The following TUBB1 variants were observed in gnomAD, a reference collection of about 807,000 sequenced individuals.
TUBB1 encodes tubulin beta 1 class VI, also known as tubulin beta-1 chain.
Under a neutral mutation model 22.6 loss-of-function variants are expected in TUBB1, and 28 were observed. The observed-to-expected ratio is 1.24, with a 90% CI of 0.92 to 1.70. The LOEUF is 1.70. Among genes scored for constraint, TUBB1 ranks in the 40% most tolerant of loss-of-function variants. The pLI, the probability that TUBB1 is intolerant of heterozygous loss-of-function variation, is 0.00. For synonymous variants in TUBB1, 226 were observed against 238.0 expected (o/e 0.95, Z 0.46); for missense variants, 577 against 605.5 (o/e 0.95, Z 0.49).
In TUBB1 at chr20:59,024,148, C is replaced by G; in HGVS notation, c.721C>G (p.Arg241Gly). 1.2e-6 allele frequency: 2 copies of G among 1,614,236 alleles called. No individual in the cohort carries two copies. The highest frequency in any genetic ancestry group is 1.7e-6 in the Non-Finnish European group (2 of 1,180,042). The part of the protein sequence containing the change: ...LTMSGITTSL[R>G]FPGQLNADLR... ...CATGAGCGGCATAACCACCTCCCTCCGGTTCCCGGGTCAGCTCAACGCAGA... is the reference window on the plus strand; with the variant it reads ...CATGAGCGGCATAACCACCTCCCTCGGGTTCCCGGGTCAGCTCAACGCAGA... Residue 241 changes from arginine to glycine, a missense_variant, in exon 4 of 4, where the codon CGG (arginine) becomes GGG (glycine). Physicochemically the swap from Arg to Gly is moderately radical, Grantham distance 125. Transcript: ENST00000217133. The surrounding 1 kb of genome is among the most constrained non-coding windows in gnomAD (Gnocchi z 4.9).
chr20:59,017,998 A>G (rs1182276042), upstream of TUBB1, among the ~76,000 whole-genome samples: 2 of 152,238 alleles, frequency 1.3e-5, no homozygotes, highest in Non-Finnish European at 2.9e-5. Flanking sequence ...GTGGTTGCTC[A>G]CCGGATGGTG....
At chr20:59,017,515 C>G (rs1383090816), upstream of TUBB1, among the ~76,000 whole-genome samples, 1 of 152,236 alleles carries the variant, frequency 6.6e-6, no homozygotes, top group Non-Finnish European at 1.5e-5. Context: ...CCCCCAGACA[C>G]TCCATCGTTA....
intron 1 of TUBB1, among the ~76,000 whole-genome samples, chr20:59,021,079 A>G (rs542281357): frequency 6.6e-6 from 1 of 152,354 alleles, no homozygotes; most frequent in Admixed American, 6.5e-5. Flanking sequence ...GGGGGCAAGG[A>G]ACATTACTGC....
intron 2 of TUBB1, 59 bp downstream of exon 2, chr20:59,023,012 A>G: frequency 7.0e-7 from 1 of 1,433,546 alleles, no homozygotes; most frequent in Non-Finnish European, 9.8e-7. Flanking sequence ...AAGCAGAGGA[A>G]GGGCAGAGGC....
Position 59,023,474 on chromosome 20 carries a change from C to T in TUBB1, c.167-16C>T. On this transcript the variant is annotated splice_polypyrimidine_tract_variant and intron_variant, in intron 2 of 3. Transcript: ENST00000217133. ...GAAAAACAAGTAGGCTGACTTTTTC[C>T]TATTTTTCTACACAGGTAGGAAATA... The T allele has an allele frequency of 6.2e-7, 1 of 1,610,522 alleles. No homozygotes were observed. Among genetic ancestry groups the T allele is most frequent in the Non-Finnish European group, 8.5e-7 (1 of 1,176,804 alleles).
At chr20:59,016,684 G>A (rs2091946998), upstream of TUBB1, among the ~76,000 whole-genome samples, 1 of 152,116 alleles carries the variant, frequency 6.6e-6, no homozygotes, top group Non-Finnish European at 1.5e-5. Context: ...AAACAGAATG[G>A]TCTATTCTTA....
chr20:59,023,999 A>G lies in TUBB1; in HGVS notation c.572A>G (p.Gln191Arg). 6.2e-7 allele frequency: 1 copy of G among 1,614,220 alleles called. No individual in the cohort carries two copies. Among genetic ancestry groups the G allele is most frequent in the Non-Finnish European group, 8.5e-7 (1 of 1,180,044 alleles). The change falls in exon 4 of 4, where the codon CAG (glutamine) becomes CGG (arginine). Residue 191 changes from glutamine to arginine, a missense_variant. Physicochemically the swap from Gln to Arg is conservative, Grantham distance 43. Transcript: ENST00000217133. Reference sequence around the variant, plus strand: ...TACAACGCGGTTCTGTCTATCCACCAGCTGATTGAGAATGCAGATGCCTGT... The same window carrying G: ...TACAACGCGGTTCTGTCTATCCACCGGCTGATTGAGAATGCAGATGCCTGT... The part of the protein sequence containing the change: ...EPYNAVLSIH[Q>R]LIENADACFC...
upstream of TUBB1, among the ~76,000 whole-genome samples, chr20:59,017,648 C>G (rs970607295): frequency 6.6e-6 from 1 of 152,208 alleles, no homozygotes; most frequent in Non-Finnish European, 1.5e-5. Context: ...CCTCATGGAC[C>G]AGGCTGGGCT....
At chr20:59,018,647 G>A (rs2091954624), upstream of TUBB1, among the ~76,000 whole-genome samples, 1 of 152,200 alleles carries the variant, frequency 6.6e-6, no homozygotes, top group African/African-American at 2.4e-5. Context: ...GACTTCTGGT[G>A]ATCTGCCCAC....
chr20:59,022,675 T>C (rs1465024501), intron 1 of TUBB1, among the ~76,000 whole-genome samples, 170 bp from the exon 2 acceptor site: 1 of 152,164 alleles, frequency 6.6e-6, no homozygotes, highest in Non-Finnish European at 1.5e-5. Context: ...CATTGCTTAG[T>C]AGAGGCAAAA....
In TUBB1 at chr20:59,024,085, C is replaced by T. The variant is rs544279242; in HGVS notation, c.658C>T (p.Pro220Ser). 2.2e-5 allele frequency: 36 copies of T among 1,614,212 alleles called. No homozygotes were observed. In the South Asian group the frequency reaches 3.8e-4, roughly 17 times the overall value. The part of the protein sequence containing the change: ...ICFRTLKLTT[P>S]TYGDLNHLVS... ...CTTCCGTACCCTGAAGCTGACGACA[C>T]CCACCTATGGGGATCTCAACCACCT... is the stretch of plus-strand genomic sequence containing the variant. The change falls in exon 4 of 4, where the codon CCC (proline) becomes TCC (serine). Residue 220 changes from proline (P) to serine (S), a missense_variant. By Grantham distance (74) the Pro-to-Ser change is moderately conservative. Coordinates refer to ENST00000217133, the MANE Select transcript of TUBB1 (RefSeq NM_030773.4). This position sits in a 1 kb window ranked among gnomAD's most constrained non-coding sequence, Gnocchi z 4.9.
rs1382106760 is a variant in TUBB1 at position 59,023,946 on chromosome 20, C to T, written c.519C>T (p.Pro173=). 7 of 1,614,214 alleles carry T rather than the reference C, an allele frequency of 4.3e-6. No individual in the cohort carries two copies. The South Asian group carries it at 7.7e-5, about 18-fold the overall frequency. ...IMNSFSVMPS[P]KVSDTVVEPY... ...ATTCCTTCAGCGTCATGCCTTCTCCCAAGGTGTCGGACACTGTGGTGGAGC... is the reference window on the plus strand; with the variant it reads ...ATTCCTTCAGCGTCATGCCTTCTCCTAAGGTGTCGGACACTGTGGTGGAGC... Residue 173 remains proline, a synonymous_variant, in exon 4 of 4, where the codon CCC becomes CCT. Transcript: ENST00000217133.
At chr20:59,018,180 T>C (rs905939042), upstream of TUBB1, among the ~76,000 whole-genome samples, 1 of 152,172 alleles carries the variant, frequency 6.6e-6, no homozygotes, top group Non-Finnish European at 1.5e-5. Flanking sequence ...AGCTTCCACC[T>C]TCTGTCCTCC....
In TUBB1 at chr20:59,024,858, C is replaced by G; in HGVS notation, c.*75C>G. 1 of 1,338,258 alleles carries G rather than the reference C, an allele frequency of 7.5e-7. No homozygotes were observed. The highest frequency in any genetic ancestry group is 1.1e-6 in the Non-Finnish European group (1 of 935,090). 82.9% of individuals were successfully genotyped at this position (1,338,258 alleles called of 1,614,324 possible). A position where few individuals can be genotyped will look rare whatever the true frequency, so the allele number is the denominator to read the frequency against. On this transcript the variant is annotated 3_prime_UTR_variant, in exon 4 of 4. Transcript: ENST00000217133. The surrounding 1 kb of genome is among the most constrained non-coding windows in gnomAD (Gnocchi z 4.9). ...AGATGAGTGTTTCTCCTGCAGCACTCCAAAACCCACTCTGCACTGCAGCAC... is the reference window on the plus strand; with the variant it reads ...AGATGAGTGTTTCTCCTGCAGCACTGCAAAACCCACTCTGCACTGCAGCAC...
At chr20:59,023,185 C>G (rs1292235929) in intron 2 of TUBB1, among the ~76,000 whole-genome samples, 3 of 152,206 alleles carry the variant, frequency 2.0e-5, no homozygotes, top group Non-Finnish European at 4.4e-5. Flanking sequence ...AGGTTAAGTA[C>G]TCACTTTCCT....
At chr20:59,021,319 A>G (rs2091966006) in intron 1 of TUBB1, among the ~76,000 whole-genome samples, 1 of 152,224 alleles carries the variant, frequency 6.6e-6, no homozygotes, top group African/African-American at 2.4e-5. Flanking sequence ...TAAGAACTTT[A>G]AGACACATTT....
Position 59,020,794 on chromosome 20 carries a change from C to T in TUBB1, c.57+1215C>T, listed in dbSNP as rs78576404. Among the ~76,000 whole-genome samples, 1,480 of 152,002 alleles carry T rather than the reference C, an allele frequency of 9.7e-3. 15 individuals carry two copies. Among genetic ancestry groups the T allele is most frequent in the Middle Eastern group, 0.037 (11 of 294 alleles). On this transcript the variant is annotated intron_variant, in intron 1 of 3. Transcript: ENST00000217133. ...CCTGCTTAAAAATTTCCCCCAAGTA[C>T]GTAACTTAATTGGCCAACCCCAAGA...
At chr20:59,020,244 G>A (rs188956379) in intron 1 of TUBB1, among the ~76,000 whole-genome samples, 2 of 152,178 alleles carry the variant, frequency 1.3e-5, no homozygotes, top group East Asian at 3.9e-4. Flanking sequence ...GAGTGCAATG[G>A]CGCAATCTTG....
Position 59,022,830 on chromosome 20 carries a change from T to C in TUBB1, c.58-15T>C. On this transcript the variant is annotated splice_polypyrimidine_tract_variant and intron_variant, in intron 1 of 3. Transcript: ENST00000217133. ...TTTCGGGGTCCGTTTACTCTGACCT[T>C]CCTCCTGCTTTCAGTTCTGGGAGAT... 1 of 1,613,330 alleles carries C rather than the reference T, an allele frequency of 6.2e-7. No homozygotes were observed. The highest frequency in any genetic ancestry group is 1.3e-5 in the African/African-American group (1 of 74,986).
Sources: gnomAD v4.1 joint callset for allele counts (sites outside exome capture counted in the v4.1 genomes callset) on GRCh38, gnomAD v4.1.1 for gene constraint, Gnocchi (gnomAD v3.1) non-coding constraint, MANE v1.5 for transcripts, NCBI Gene and HGNC (gene_info 2026-07-23, HGNC 2026-07-21) for gene names.